The following PPFIA2 variants were observed in gnomAD, a reference collection of about 807,000 sequenced individuals.
The protein encoded by PPFIA2 is liprin-alpha-2.
Under a neutral mutation model 175.5 loss-of-function variants are expected in PPFIA2, and 46 were observed. That is an observed-to-expected ratio of 0.26 (90% CI 0.21 to 0.34). The LOEUF (loss-of-function observed/expected upper bound fraction) is 0.34. Among genes scored for constraint, PPFIA2 ranks in the 10% least tolerant of loss-of-function variants. PPFIA2 has a pLI of 1.00. For synonymous variants in PPFIA2, 568 were observed against 511.4 expected, an observed-to-expected ratio of 1.11 and a Z score of -1.49; for missense variants, 1,179 against 1,506.1, an observed-to-expected ratio of 0.78 and a Z score of 3.60.
chr12:81,405,676 C>A, intron 8 of PPFIA2, 111 bp downstream of exon 8: 1 of 629,506 alleles, frequency 1.6e-6, no homozygotes, highest in African/African-American at 1.9e-5. Flanking sequence ...AACCTTTGAC[C>A]AAAGAATCAA....
chr12:81,581,376 TG>T (rs1218180470), intron 4 of PPFIA2, among the ~76,000 whole-genome samples: 3 of 151,742 alleles, frequency 2.0e-5, no homozygotes, highest in Non-Finnish European at 4.4e-5. Flanking sequence ...TATCTAGTGA[TG>T]GATGACATTG....
chr12:81,564,853 TGA>T (rs1245379342), intron 4 of PPFIA2, among the ~76,000 whole-genome samples: 2 of 152,098 alleles, frequency 1.3e-5, no homozygotes, highest in African/African-American at 2.4e-5. Context: ...CTGCCCTGAG[TGA>T]GAGTCTTATC....
chr12:81,586,910 AAAC>A (rs1265514170), intron 4 of PPFIA2, among the ~76,000 whole-genome samples: 45 of 151,980 alleles, frequency 3.0e-4, no homozygotes, highest in African/African-American at 1.1e-3. Flanking sequence ...TTCATCATTA[AAAC>A]AACAGTTAAT....
Position 81,341,275 on chromosome 12 carries a change from A to C in PPFIA2, c.2263-67T>G, listed in dbSNP as rs544545548. On this transcript the variant is annotated intron_variant, in intron 19 of 32. Coordinates refer to ENST00000549396, the MANE Select transcript of PPFIA2 (RefSeq NM_003625.5). ...TTTCAGTTGAAATTGACACAAATGG[A>C]GAATCATGAGAACAAGGCTGTCGAG... is the stretch of plus-strand genomic sequence containing the variant. The C allele has an allele frequency of 2.2e-5, 33 of 1,486,532 alleles. No homozygotes were observed. The East Asian group carries it at 7.4e-4, about 33-fold the overall frequency. The allele number at this position is 1,486,532 out of a possible 1,614,324, so 92.1% of individuals were successfully genotyped here.
chr12:81,392,290 A>G (rs2040274611), intron 8 of PPFIA2, among the ~76,000 whole-genome samples: 1 of 151,970 alleles, frequency 6.6e-6, no homozygotes, highest in Non-Finnish European at 1.5e-5. Context: ...AGAAGAGAAA[A>G]TCTGTAGGAG....
At chr12:81,652,832 G>A (rs1203687135) in intron 4 of PPFIA2, among the ~76,000 whole-genome samples, 4 of 151,788 alleles carry the variant, frequency 2.6e-5, no homozygotes, top group South Asian at 2.1e-4. Context: ...ATTCACCTAC[G>A]CCAAACTAAA....
At chr12:81,586,206 C>G (rs1417704505) in intron 4 of PPFIA2, among the ~76,000 whole-genome samples, 1 of 151,932 alleles carries the variant, frequency 6.6e-6, no homozygotes, top group Non-Finnish European at 1.5e-5. Context: ...GTCTTTTCTT[C>G]ACCAAAATAA....
chr12:81,412,236 A>G (rs1462737792), intron 7 of PPFIA2, among the ~76,000 whole-genome samples: 2 of 151,684 alleles, frequency 1.3e-5, no homozygotes, highest in African/African-American at 4.8e-5. Context: ...CATTTATTCA[A>G]CAAATATTCA....
chr12:81,449,224 T>C (rs773927361), intron 5 of PPFIA2, among the ~76,000 whole-genome samples: 1 of 152,160 alleles, frequency 6.6e-6, no homozygotes, highest in Non-Finnish European at 1.5e-5. Context: ...GACACCACCA[T>C]GGCTGAACGG....
At chr12:81,439,186 T>TCTCC (rs1491330849) in intron 7 of PPFIA2, among the ~76,000 whole-genome samples, 7 of 142,000 alleles carry the variant, frequency 4.9e-5, no homozygotes, top group Non-Finnish European at 1.1e-4. Flanking sequence ...TCTCTCTCTC[T>TCTCC]ATATATATAT....
chr12:81,556,857 T>A (rs570267642), intron 4 of PPFIA2, among the ~76,000 whole-genome samples: 1 of 152,012 alleles, frequency 6.6e-6, no homozygotes, highest in Non-Finnish European at 1.5e-5. Context: ...ACATGAGGAC[T>A]GCACATCTTT....
At chr12:81,695,336 T>C (rs149194831) in intron 3 of PPFIA2, among the ~76,000 whole-genome samples, 32 of 152,294 alleles carry the variant, frequency 2.1e-4, no homozygotes, top group Non-Finnish European at 4.0e-4. Flanking sequence ...CATAGGAGCA[T>C]ATCCTTCATG....
chr12:81,432,556 C>T (rs1243692975), intron 7 of PPFIA2, among the ~76,000 whole-genome samples: 1 of 151,324 alleles, frequency 6.6e-6, no homozygotes, highest in Non-Finnish European at 1.5e-5. Flanking sequence ...ACCTCTGCCT[C>T]CCGGGTTCAA....
chr12:81,660,245 T>C (rs2068573390), intron 4 of PPFIA2, among the ~76,000 whole-genome samples: 1 of 151,856 alleles, frequency 6.6e-6, no homozygotes, highest in African/African-American at 2.4e-5. Flanking sequence ...TGATCAAACT[T>C]CCCGAGGTAA....
At chr12:81,659,522 T>A (rs1377077143) in intron 4 of PPFIA2, among the ~76,000 whole-genome samples, 2 of 152,176 alleles carry the variant, frequency 1.3e-5, no homozygotes. Flanking sequence ...CGCCCGCCAT[T>A]GCTGAGGCTT....
intron 29 of PPFIA2, among the ~76,000 whole-genome samples, chr12:81,267,544 G>C (rs2037639085): frequency 6.6e-6 from 1 of 151,900 alleles, no homozygotes; most frequent in Admixed American, 6.6e-5. Flanking sequence ...ATCCAGTTTT[G>C]GGAATCACTG....
At chr12:81,443,858 T>TTC (rs1314463639) in intron 6 of PPFIA2, among the ~76,000 whole-genome samples, 2 of 132,980 alleles carry the variant, frequency 1.5e-5, no homozygotes, top group African/African-American at 5.7e-5. Context: ...TTTTTTTTTT[T>TTC]TTTTTTTTTT....
intron 22 of PPFIA2, among the ~76,000 whole-genome samples, chr12:81,311,732 CAAAAAAAAAA>C (rs1050904857): frequency 9.7e-4 from 47 of 48,366 alleles, no homozygotes; most frequent in Non-Finnish European, 1.5e-3. Context: ...GACTCTGTCT[CAAAAAAAAAA>C]AAAAAAAAAA....
chr12:81,423,520 A>T (rs1382867608), intron 7 of PPFIA2, among the ~76,000 whole-genome samples: 1 of 152,188 alleles, frequency 6.6e-6, no homozygotes, highest in African/African-American at 2.4e-5. Context: ...ACAGATACAG[A>T]AAAGGCAAAT....
Sources: gnomAD v4.1 joint callset for allele counts (sites outside exome capture counted in the v4.1 genomes callset) on GRCh38, gnomAD v4.1.1 for gene constraint, MANE v1.5 for transcripts, NCBI Gene and HGNC (gene_info 2026-07-23, HGNC 2026-07-21) for gene names.